EXOC3L2: variants seen among roughly 807,000 people sequenced by gnomAD.
EXOC3L2 encodes exocyst complex component 3 like 2, also known as exocyst complex component 3-like protein 2.
In EXOC3L2, 17 loss-of-function variants were observed where a neutral mutation model predicts 44.4. The observed-to-expected ratio is 0.38, with a 90% CI of 0.26 to 0.57. EXOC3L2 has a LOEUF of 0.57. EXOC3L2 is among the 20% of genes least tolerant of loss of function. The pLI is 0.65. For missense variants in EXOC3L2, 541 were observed against 588.4 expected (o/e 0.92, Z 0.83); for synonymous variants, 256 against 253.7 (o/e 1.01, Z -0.09).
chr19:45,214,132 G>A (rs1717003875), intron 11 of EXOC3L2, among the ~76,000 whole-genome samples: 1 of 152,026 alleles, frequency 6.6e-6, no homozygotes, highest in Non-Finnish European at 1.5e-5. Flanking sequence ...CTCCACATCA[G>A]CAAGAATACT....
intron 11 of EXOC3L2, among the ~76,000 whole-genome samples, chr19:45,214,045 C>T (rs780205883): frequency 6.6e-6 from 1 of 152,078 alleles, no homozygotes; most frequent in Non-Finnish European, 1.5e-5. Context: ...CCCCCTAAAC[C>T]CAACCCAGCT....
Position 45,212,970 on chromosome 19 carries a change from G to T in EXOC3L2, c.*99C>A. On this transcript the variant is annotated 3_prime_UTR_variant, in exon 12 of 12. Transcript: ENST00000413988. ...ATCTAAGGGTCTTTCTATCCCAGGG[G>T]TGTGTGGTCCCAGGCAGGGAGTCAG... The T allele has an allele frequency of 3.1e-6, 4 of 1,293,404 alleles. No homozygotes were observed. Among genetic ancestry groups the T allele is most frequent in the Non-Finnish European group, 4.1e-6 (4 of 987,612 alleles). The allele number at this position is 1,293,404 out of a possible 1,614,324, so 80.1% of individuals were successfully genotyped here.
At chr19:45,220,051 T>C (rs1216605637) in intron 8 of EXOC3L2, among the ~76,000 whole-genome samples, 1 of 152,060 alleles carries the variant, frequency 6.6e-6, no homozygotes, top group African/African-American at 2.4e-5. Context: ...TGGGCGCCTG[T>C]AATCCCAGCT....
At position 45,218,193 on chromosome 19, in the gene EXOC3L2, G is replaced by T. The variant is rs1479224429; in HGVS notation, c.1842+4C>A. On this transcript the variant is annotated splice_donor_region_variant and intron_variant, in intron 9 of 11. Coordinates refer to ENST00000413988, the MANE Select transcript of EXOC3L2 (RefSeq NM_001382422.1). ...CCACCTCCCCTCCCCTCAGGCAGGT[G>T]CACCTGGTAAGGCTCGTCCTGCATT... The T allele has an allele frequency of 6.9e-6, 10 of 1,447,706 alleles. No individual in the cohort carries two copies. The highest frequency in any genetic ancestry group is 9.2e-6 in the Non-Finnish European group (10 of 1,083,936). 89.7% of individuals were successfully genotyped at this position (1,447,706 alleles called of 1,614,324 possible).
chr19:45,213,090 C>T lies in EXOC3L2; in HGVS notation c.2388G>A (p.Ala796=), dbSNP rs201597405. 3.1e-4 allele frequency: 471 copies of T among 1,516,770 alleles called. 1 individual carries two copies. In the African/African-American group the frequency reaches 5.9e-3, roughly 19 times the overall value. 94.0% of individuals were successfully genotyped at this position (1,516,770 alleles called of 1,614,324 possible). A position where few individuals can be genotyped will look rare whatever the true frequency, so the allele number is the denominator to read the frequency against. ...ACCCTCAGCGCTGGGCCCGAGGTCG[C>T]GCTAGAGACGGAGGCCGGGGCCGAG... ...CLPRPRPPSL[A]RPRAQR is the part of the protein sequence containing the mutation. Residue 796 remains alanine (A), a synonymous_variant, in exon 12 of 12, where the codon GCG becomes GCA. Coordinates refer to ENST00000413988, the MANE Select transcript of EXOC3L2 (RefSeq NM_001382422.1).
intron 11 of EXOC3L2, 87 bp downstream of exon 11, chr19:45,215,986 G>A: frequency 6.4e-7 from 1 of 1,557,152 alleles, no homozygotes. Context: ...CCTCCCTCAG[G>A]AGGCAGGAAG....
At chr19:45,219,825 A>G (rs1204867353) in intron 8 of EXOC3L2, among the ~76,000 whole-genome samples, 4 of 152,180 alleles carry the variant, frequency 2.6e-5, no homozygotes, top group African/African-American at 9.7e-5. Flanking sequence ...GCACCAAATG[A>G]ATTGAGTTCA....
intron 1 of EXOC3L2, among the ~76,000 whole-genome samples, chr19:45,242,794 G>A (rs370184881): frequency 6.7e-6 from 1 of 150,276 alleles, no homozygotes; most frequent in South Asian, 2.1e-4. Flanking sequence ...CCCAGGAGGC[G>A]GATGCTGCAG....
rs950797638 is a variant in EXOC3L2 at position 45,219,393 on chromosome 19, C to CAAAAAAAAAAA, written c.1720-1085_1720-1075dup. On this transcript the variant is annotated intron_variant, in intron 8 of 11. Transcript: ENST00000413988. ...TGGGTAACAGAGGGAGGCCCCGTCT[C>CAAAAAAAAAAA]AAAAAAAAAAAAAAAAAAAAAGAGA... Among the ~76,000 whole-genome samples, 135 of 51,532 alleles carry CAAAAAAAAAAA rather than the reference C, an allele frequency of 2.6e-3. 6 individuals carry two copies. The highest frequency in any genetic ancestry group is 0.01 in the Middle Eastern group (1 of 96). The allele number at this position is 51,532 out of a possible 152,430, so 33.8% of individuals were successfully genotyped here.
At chr19:45,215,806 C>T (rs957247644) in intron 11 of EXOC3L2, among the ~76,000 whole-genome samples, 3 of 152,202 alleles carry the variant, frequency 2.0e-5, no homozygotes, top group Admixed American at 6.5e-5. Flanking sequence ...TTCCTGCCTC[C>T]AGGCAGCCCT....
chr19:45,228,506 A>G (rs1464223946), intron 4 of EXOC3L2, among the ~76,000 whole-genome samples: 1 of 152,050 alleles, frequency 6.6e-6, no homozygotes, highest in Non-Finnish European at 1.5e-5. Context: ...GCCAAGCGCG[A>G]TGGCTCACAC....
intron 4 of EXOC3L2, among the ~76,000 whole-genome samples, chr19:45,229,378 AAT>A (rs1250260541): frequency 6.9e-6 from 1 of 144,640 alleles, no homozygotes; most frequent in Non-Finnish European, 1.5e-5. Flanking sequence ...TTATATATTA[AAT>A]ATTAGTATAA....
chr19:45,231,587 C>G (rs912157749), intron 4 of EXOC3L2, among the ~76,000 whole-genome samples, 176 bp downstream of exon 4: 1 of 151,978 alleles, frequency 6.6e-6, no homozygotes, highest in Non-Finnish European at 1.5e-5. Context: ...GAACCTTTAC[C>G]AAGTGTCTCT....
At chr19:45,242,733 G>A (rs911145785) in intron 1 of EXOC3L2, among the ~76,000 whole-genome samples, 3 of 151,954 alleles carry the variant, frequency 2.0e-5, no homozygotes, top group Admixed American at 6.6e-5. Context: ...GTGGTGGCGG[G>A]TGCCTGTAGT....
At chr19:45,215,017 G>A (rs977536177) in intron 11 of EXOC3L2, among the ~76,000 whole-genome samples, 2 of 151,878 alleles carry the variant, frequency 1.3e-5, no homozygotes, top group Non-Finnish European at 2.9e-5. Flanking sequence ...TTAGCCGGGC[G>A]TGGTGGCACA....
At chr19:45,216,694 A>G (rs948395735) in intron 10 of EXOC3L2, 6 of 152,968 alleles carry the variant, frequency 3.9e-5, no homozygotes, top group African/African-American at 1.4e-4. Flanking sequence ...GTAATTTGGA[A>G]CTCTGGGAAA....
intron 8 of EXOC3L2, among the ~76,000 whole-genome samples, chr19:45,219,230 T>C (rs1969871288): frequency 6.7e-6 from 1 of 149,738 alleles, no homozygotes; most frequent in African/African-American, 2.5e-5. Flanking sequence ...AGTAAATCAA[T>C]TAAAAATAAT....
chr19:45,217,479 A>G (rs768898026), intron 10 of EXOC3L2, 49 bp downstream of exon 10: 6 of 1,499,256 alleles, frequency 4.0e-6, no homozygotes, highest in Non-Finnish European at 5.3e-6. Flanking sequence ...TCGGAAGCCA[A>G]GCCTTGTCCT....
At chr19:45,215,189 G>A (rs1408869033) in intron 11 of EXOC3L2, among the ~76,000 whole-genome samples, 1 of 151,920 alleles carries the variant, frequency 6.6e-6, no homozygotes, top group Non-Finnish European at 1.5e-5. Flanking sequence ...TATAAAGTTG[G>A]CATGGGCTGG....
Sources: gnomAD v4.1 joint callset for allele counts (sites outside exome capture counted in the v4.1 genomes callset) on GRCh38, gnomAD v4.1.1 for gene constraint, MANE v1.5 for transcripts, NCBI Gene and HGNC (gene_info 2026-07-23, HGNC 2026-07-21) for gene names.